The following MALRD1 variants were observed in gnomAD, a reference collection of about 807,000 sequenced individuals.
MALRD1 encodes MAM and LDL-receptor class A domain-containing protein 1.
A neutral mutation model predicts 242.1 loss-of-function variants in MALRD1; 247 were observed. That is an observed-to-expected ratio of 1.02 (90% CI 0.92 to 1.13). The LOEUF (loss-of-function observed/expected upper bound fraction) is 1.13, where lower values mean the gene tolerates loss of function less well. MALRD1 is among the 50% of genes most tolerant of loss of function. The pLI is 0.00. For synonymous variants in MALRD1, 995 were observed against 866.6 expected (o/e 1.15, Z -2.60); for missense variants, 2,989 against 2,533.1 (o/e 1.18, Z -3.86).
intron 32 of MALRD1, among the ~76,000 whole-genome samples, chr10:19,545,233 C>A (rs1024710694): frequency 6.6e-6 from 1 of 152,128 alleles, no homozygotes; most frequent in African/African-American, 2.4e-5. Flanking sequence ...AGAGCCTACC[C>A]TAACAGCCTC....
intron 36 of MALRD1, among the ~76,000 whole-genome samples, chr10:19,666,430 A>G (rs1357925431): frequency 6.6e-6 from 1 of 152,150 alleles, no homozygotes; most frequent in East Asian, 1.9e-4. Context: ...AGGCTATGGA[A>G]TCAGTCTAGT....
At chr10:19,309,884 C>T (rs1383102069) in intron 21 of MALRD1, among the ~76,000 whole-genome samples, 1 of 151,400 alleles carries the variant, frequency 6.6e-6, no homozygotes, top group Non-Finnish European at 1.5e-5. Flanking sequence ...GCAAAGACTA[C>T]AAAGGATTGA....
At position 19,469,977 on chromosome 10, in the gene MALRD1, A is replaced by C. The variant is rs574193815; in HGVS notation, c.5029+19487A>C. Among the ~76,000 whole-genome samples, 21 of 152,138 alleles carry C rather than the reference A, an allele frequency of 1.4e-4. No individual in the cohort carries two copies. The South Asian group carries it at 3.9e-3, about 29-fold the overall frequency. ...GGTAAAAACACTAAACATAAGGTCT[A>C]CCTTCTTAGCAAATTTTAAATATTC... On this transcript the variant is annotated intron_variant, in intron 29 of 39. Transcript: ENST00000454679.
rs1431063548 is a variant in MALRD1 at position 19,491,511 on chromosome 10, C to A, written c.5030-6C>A. 3 of 1,547,670 alleles carry A rather than the reference C, an allele frequency of 1.9e-6. No homozygotes were observed. In the East Asian group the frequency reaches 7.3e-5, roughly 38 times the overall value. ...ATACTGCTTTTGTTTTTTTGTTTTT[C>A]CCTAGTGGGAGAGATCTCTGAGCTT... On this transcript the variant is annotated splice_region_variant and splice_polypyrimidine_tract_variant and intron_variant, in intron 29 of 39. Coordinates refer to ENST00000454679, the MANE Select transcript of MALRD1 (RefSeq NM_001142308.3).
At chr10:19,348,657 G>A (rs1028010334) in intron 25 of MALRD1, among the ~76,000 whole-genome samples, 3 of 152,072 alleles carry the variant, frequency 2.0e-5, no homozygotes, top group Non-Finnish European at 2.9e-5. Flanking sequence ...AGCCTCATAC[G>A]ATAACTATGT....
At chr10:19,327,694 T>G in intron 23 of MALRD1, 21 bp downstream of exon 23, 1 of 1,512,272 alleles carries the variant, frequency 6.6e-7, no homozygotes, top group Non-Finnish European at 9.0e-7. Flanking sequence ...CAGGTAGTTA[T>G]GGGGTGAGTG....
rs570890352 is a variant in MALRD1, at chr10:19,437,147, C to A, written c.4846-13160C>A. Among the ~76,000 whole-genome samples the A allele has an allele frequency of 4.4e-3, 675 of 152,208 alleles. 5 individuals carry two copies. Among genetic ancestry groups the A allele is most frequent in the African/African-American group, 0.016 (654 of 41,530 alleles). On this transcript the variant is annotated intron_variant, in intron 28 of 39. Transcript: ENST00000454679. ...GAAAATGACAAACACTCCAAAAGGA[C>A]AAGGCCACAATACAGAGCTTAAATC...
rs530890069 is a variant in MALRD1, at chr10:19,623,870, A to C, written c.6137+7947A>C. On this transcript the variant is annotated intron_variant, in intron 36 of 39. Coordinates refer to ENST00000454679, the MANE Select transcript of MALRD1 (RefSeq NM_001142308.3). ...CACAGACACTCAGAAATAATATTTT[A>C]CCAGCTATCTGGGCATCCCTTAGCT... 2.6e-5 allele frequency among the ~76,000 whole-genome samples: 4 copies of C among 152,288 alleles called. No individual in the cohort carries two copies. The South Asian group carries it at 8.3e-4, about 32-fold the overall frequency.
rs74841261 is a variant in MALRD1 at position 19,704,796 on chromosome 10, T to G, written c.6314+12242T>G. ...AGAAATGTAAACCAAAATACTTTGG[T>G]GGTAAAATGGAAGGAAAGAATGATC... On this transcript the variant is annotated intron_variant, in intron 38 of 39. Coordinates refer to ENST00000454679, the MANE Select transcript of MALRD1 (RefSeq NM_001142308.3). Among the ~76,000 whole-genome samples, 407 of 152,204 alleles carry G rather than the reference T, an allele frequency of 2.7e-3. 9 individuals carry two copies. In the East Asian group the frequency reaches 0.055, roughly 20 times the overall value.
At chr10:19,634,050 AG>A (rs1434913099) in intron 36 of MALRD1, among the ~76,000 whole-genome samples, 1 of 151,982 alleles carries the variant, frequency 6.6e-6, no homozygotes, top group Non-Finnish European at 1.5e-5. Flanking sequence ...CATGTTGGCT[AG>A]GCTGGTCTTG....
chr10:19,352,677 T>G (rs1214526943), intron 26 of MALRD1, among the ~76,000 whole-genome samples: 1 of 152,186 alleles, frequency 6.6e-6, no homozygotes, highest in Non-Finnish European at 1.5e-5. Context: ...AATTAGACAT[T>G]TTTGTGGTTA....
At chr10:19,200,359 CAT>C (rs1158527839) in intron 14 of MALRD1, among the ~76,000 whole-genome samples, 1 of 152,150 alleles carries the variant, frequency 6.6e-6, no homozygotes, top group Non-Finnish European at 1.5e-5. Context: ...TCTCACTCAA[CAT>C]GTGCATCTTG....
At chr10:19,113,684 C>G (rs1383055616) in intron 5 of MALRD1, among the ~76,000 whole-genome samples, 2 of 150,920 alleles carry the variant, frequency 1.3e-5, no homozygotes, top group Non-Finnish European at 2.9e-5. Context: ...TATGTCCTTC[C>G]ACCATTTATG....
chr10:19,170,999 AT>A (rs1834897262), intron 13 of MALRD1, among the ~76,000 whole-genome samples: 1 of 151,866 alleles, frequency 6.6e-6, no homozygotes, highest in Non-Finnish European at 1.5e-5. Flanking sequence ...TTTCTCTTGG[AT>A]TCATATTCAT....
intron 21 of MALRD1, among the ~76,000 whole-genome samples, chr10:19,315,610 ATATTTATATAAATTATAAATAT>A (rs1438420223): frequency 1.2e-5 from 1 of 85,832 alleles, no homozygotes; most frequent in South Asian, 3.5e-4. Context: ...TAAATTATAA[ATATTTATATAAATTATAAATAT>A]TATTTATATA....
intron 9 of MALRD1, among the ~76,000 whole-genome samples, 193 bp downstream of exon 9, chr10:19,134,141 G>A (rs953701655): frequency 1.3e-5 from 2 of 152,060 alleles, no homozygotes; most frequent in African/African-American, 4.8e-5. Flanking sequence ...CCATGGCGGG[G>A]GAAATTGAGT....
chr10:19,664,915 C>G (rs546028528), intron 36 of MALRD1, among the ~76,000 whole-genome samples: 2 of 151,954 alleles, frequency 1.3e-5, no homozygotes, highest in East Asian at 1.9e-4. Flanking sequence ...TAATCATTCA[C>G]CTATCATCAA....
intron 29 of MALRD1, among the ~76,000 whole-genome samples, chr10:19,485,139 C>T (rs1837181198): frequency 6.6e-6 from 1 of 152,068 alleles, no homozygotes; most frequent in Non-Finnish European, 1.5e-5. Context: ...TATGGAGTGG[C>T]ATACAGAGTG....
intron 28 of MALRD1, among the ~76,000 whole-genome samples, chr10:19,446,668 G>A (rs969351636): frequency 6.6e-6 from 1 of 152,156 alleles, no homozygotes; most frequent in African/African-American, 2.4e-5. Flanking sequence ...CAAGACAAAA[G>A]TTCCATGCAT....
Sources: allele counts gnomAD v4.1 joint callset (sites outside exome capture counted in the v4.1 genomes callset), GRCh38; gene constraint gnomAD v4.1.1; transcripts MANE v1.5; gene names NCBI Gene and HGNC (gene_info 2026-07-23, HGNC 2026-07-21).